The following CREB3L1 variants were observed in gnomAD, a reference collection of about 807,000 sequenced individuals.
The protein encoded by CREB3L1 is cAMP responsive element binding protein 3 like 1.
CREB3L1 carries 33 observed loss-of-function variants against 54.5 expected under a neutral mutation model. The ratio of observed to expected loss-of-function variants is 0.61; its 90% CI spans 0.46 to 0.81. The LOEUF (loss-of-function observed/expected upper bound fraction) is 0.81. Among genes scored for constraint, CREB3L1 ranks in the 30% least tolerant of loss-of-function variants. The pLI is 0.00. For synonymous variants in CREB3L1, 284 were observed against 286.4 expected, an observed-to-expected ratio of 0.99 and a Z score of 0.08; for missense variants, 656 against 673.3, an observed-to-expected ratio of 0.97 and a Z score of 0.29.
intron 1 of CREB3L1, 21 bp from the exon 2 acceptor site, chr11:46,299,914 C>T: frequency 1.9e-6 from 3 of 1,590,126 alleles, no homozygotes; most frequent in Non-Finnish European, 1.7e-6. Flanking sequence ...TCCCTCTTCC[C>T]CTCACCTCTT....
chr11:46,298,400 A>G (rs558698003), intron 1 of CREB3L1, among the ~76,000 whole-genome samples: 6 of 152,346 alleles, frequency 3.9e-5, no homozygotes, highest in African/African-American at 1.4e-4. Flanking sequence ...AGGAACAAAC[A>G]ATAGAAACAT....
chr11:46,311,841 A>G (rs1027218050), intron 5 of CREB3L1, among the ~76,000 whole-genome samples: 1 of 152,194 alleles, frequency 6.6e-6, no homozygotes, highest in Non-Finnish European at 1.5e-5. Flanking sequence ...ACAGGAGACT[A>G]TTGCAGAGCC....
chr11:46,316,322 G>C lies in CREB3L1; in HGVS notation c.1068G>C (p.Leu356=). ...AGCAGCTGCAGAAACTCCAGACTCT[G>C]GTCACCAACAAGATCTCCAGACCTT... is the stretch of plus-strand genomic sequence containing the variant. The part of the protein sequence containing the change: ...LLQQLQKLQT[L]VTNKISRPYK... Residue 356 remains leucine (L), a synonymous_variant, in exon 9 of 12, where the codon CTG becomes CTC. Transcript: ENST00000621158. The C allele has an allele frequency of 6.4e-7, 1 of 1,574,748 alleles. No homozygotes were observed. Among genetic ancestry groups the C allele is most frequent in the Non-Finnish European group, 8.6e-7 (1 of 1,160,372 alleles).
intron 1 of CREB3L1, among the ~76,000 whole-genome samples, chr11:46,285,716 C>T (rs1271000568): frequency 3.9e-5 from 6 of 152,156 alleles, no homozygotes; most frequent in African/African-American, 1.4e-4. Context: ...GCTCGTGGCT[C>T]GTGGCCCAGA....
intron 1 of CREB3L1, among the ~76,000 whole-genome samples, chr11:46,284,105 A>G (rs1426905490): frequency 6.6e-6 from 1 of 152,230 alleles, no homozygotes; most frequent in Non-Finnish European, 1.5e-5. Flanking sequence ...GCAACTGGGC[A>G]CTGAAGGAAC....
chr11:46,280,021 G>A (rs1045990967), intron 1 of CREB3L1, among the ~76,000 whole-genome samples: 1 of 152,154 alleles, frequency 6.6e-6, no homozygotes, highest in Non-Finnish European at 1.5e-5. Flanking sequence ...TCTCGCACCT[G>A]GGGCAGCGCC....
chr11:46,296,680 G>T (rs1939215659), intron 1 of CREB3L1, among the ~76,000 whole-genome samples: 1 of 152,116 alleles, frequency 6.6e-6, no homozygotes, highest in Non-Finnish European at 1.5e-5. Flanking sequence ...CGCGCCCACC[G>T]TCCACCCAGC....
chr11:46,314,358 T>C (rs1939534821), intron 8 of CREB3L1, among the ~76,000 whole-genome samples: 1 of 152,076 alleles, frequency 6.6e-6, no homozygotes, highest in African/African-American at 2.4e-5. Flanking sequence ...GTGCAATTCA[T>C]GTTAGCTTTT....
At chr11:46,302,966 G>A (rs1939325747) in intron 2 of CREB3L1, among the ~76,000 whole-genome samples, 1 of 152,160 alleles carries the variant, frequency 6.6e-6, no homozygotes, top group South Asian at 2.1e-4. Flanking sequence ...AGGTGACAAA[G>A]CGAGATTCTG....
chr11:46,286,499 C>T (rs928749740), intron 1 of CREB3L1, among the ~76,000 whole-genome samples: 15 of 152,284 alleles, frequency 9.9e-5, no homozygotes, highest in Non-Finnish European at 2.1e-4. Context: ...ACTTACCCAG[C>T]TTAAGAATCA....
At position 46,278,309 on chromosome 11, in the gene CREB3L1, C is replaced by T. The variant is rs1387566059; in HGVS notation, c.102+96C>T. ...AAGGACCCGACTACACATCACTGGGCAGGAGCCGGGGAGAGGGTTCAGCGC... is the reference window on the plus strand; with the variant it reads ...AAGGACCCGACTACACATCACTGGGTAGGAGCCGGGGAGAGGGTTCAGCGC... On this transcript the variant is annotated intron_variant, in intron 1 of 11. Transcript: ENST00000621158. This position sits in a 1 kb window ranked among gnomAD's most constrained non-coding sequence, Gnocchi z 4.2. 4.2e-6 allele frequency: 3 copies of T among 712,746 alleles called. No homozygotes were observed. Among genetic ancestry groups the T allele is most frequent in the African/African-American group, 1.8e-5 (1 of 54,666 alleles). 44.2% of individuals were successfully genotyped at this position (712,746 alleles called of 1,614,324 possible). A position where few individuals can be genotyped will look rare whatever the true frequency, so the allele number is the denominator to read the frequency against.
At chr11:46,296,472 G>A (rs371419870) in intron 1 of CREB3L1, among the ~76,000 whole-genome samples, 2 of 152,018 alleles carry the variant, frequency 1.3e-5, no homozygotes, top group East Asian at 3.9e-4. Context: ...AGAAATAGGA[G>A]GGGGGGAACG....
chr11:46,319,235 G>A (rs1369804890), intron 10 of CREB3L1, among the ~76,000 whole-genome samples: 1 of 152,164 alleles, frequency 6.6e-6, no homozygotes, highest in Non-Finnish European at 1.5e-5. Flanking sequence ...CAGAGCTGGC[G>A]CACTGCGCAG....
At chr11:46,291,597 T>C (rs1042525668) in intron 1 of CREB3L1, among the ~76,000 whole-genome samples, 1 of 152,140 alleles carries the variant, frequency 6.6e-6, no homozygotes, top group Non-Finnish European at 1.5e-5. Flanking sequence ...GTTCGAAAAT[T>C]GTAATGATTT....
intron 1 of CREB3L1, among the ~76,000 whole-genome samples, chr11:46,292,953 T>C (rs556579564): frequency 6.6e-6 from 1 of 152,138 alleles, no homozygotes; most frequent in Non-Finnish European, 1.5e-5. Flanking sequence ...AGGTGGAGAA[T>C]GCTCTGGAGA....
chr11:46,318,395 C>T (rs902959266), intron 10 of CREB3L1, among the ~76,000 whole-genome samples: 4 of 152,124 alleles, frequency 2.6e-5, no homozygotes, highest in South Asian at 4.1e-4. Context: ...ATGTCAAGTC[C>T]ATCGTAACTG....
chr11:46,296,359 T>TGGACTTCACCAGCTCACTTTGCAGCCCC (rs1939211012), intron 1 of CREB3L1, among the ~76,000 whole-genome samples: 1 of 152,072 alleles, frequency 6.6e-6, no homozygotes, highest in Non-Finnish European at 1.5e-5. Context: ...AGGGCAGCCC[T>TGGACTTCACCAGCTCACTTTGCAGCCCC]GGACTTCACC....
chr11:46,302,104 C>T (rs1939311418), intron 2 of CREB3L1, among the ~76,000 whole-genome samples: 1 of 150,218 alleles, frequency 6.7e-6, no homozygotes, highest in Non-Finnish European at 1.5e-5. Context: ...GGAGGCGGAG[C>T]TTGCAGTGAG....
At chr11:46,293,798 T>C (rs911446290) in intron 1 of CREB3L1, among the ~76,000 whole-genome samples, 1 of 152,096 alleles carries the variant, frequency 6.6e-6, no homozygotes, top group African/African-American at 2.4e-5. Flanking sequence ...TGTGAGATGG[T>C]GTGTGTGTGA....
Sources: allele counts gnomAD v4.1 joint callset (sites outside exome capture counted in the v4.1 genomes callset), GRCh38; gene constraint gnomAD v4.1.1; non-coding constraint Gnocchi (gnomAD v3.1); transcripts MANE v1.5; gene names NCBI Gene and HGNC (gene_info 2026-07-23, HGNC 2026-07-21).